Variants in FAM228B observed in about 807,000 individuals in gnomAD.
The protein encoded by FAM228B is protein FAM228B.
FAM228B carries 38 observed loss-of-function variants against 42.6 expected under a neutral mutation model. The observed-to-expected ratio is 0.89, with a 90% CI of 0.69 to 1.17. The LOEUF (loss-of-function observed/expected upper bound fraction) is 1.17, where lower values mean the gene tolerates loss of function less well. Ranked by LOEUF, FAM228B falls within the 50% of genes most tolerant of loss-of-function variation. The pLI, the probability that FAM228B is intolerant of heterozygous loss-of-function variation, is 0.00. For synonymous variants in FAM228B, 109 were observed against 122.3 expected (o/e 0.89, Z 0.72); for missense variants, 344 against 367.3 (o/e 0.94, Z 0.52).
intron 2 of FAM228B, among the ~76,000 whole-genome samples, chr2:24,089,677 G>T (rs1665342741): frequency 6.6e-6 from 1 of 152,154 alleles, no homozygotes; most frequent in Non-Finnish European, 1.5e-5. Flanking sequence ...GACCAGCCTA[G>T]CAGAGTCACA....
Position 24,084,105 on chromosome 2 carries a change from C to T in FAM228B, c.-210+3150C>T. 1.3e-6 allele frequency: 2 copies of T among 1,507,122 alleles called. No homozygotes were observed. Among genetic ancestry groups the T allele is most frequent in the Non-Finnish European group, 1.8e-6 (2 of 1,131,276 alleles). The allele number at this position is 1,507,122 out of a possible 1,614,324, so 93.4% of individuals were successfully genotyped here. On this transcript the variant is annotated intron_variant, in intron 2 of 10. Transcript: ENST00000613899. The surrounding 1 kb of genome is among the most constrained non-coding windows in gnomAD (Gnocchi z 8.4). Reference sequence around the variant, plus strand: ...CTGGGTGTGGAGCGGTGCACGCCTTCACGTCTGGTCAATGTCCACTGAGTG... The same window carrying T: ...CTGGGTGTGGAGCGGTGCACGCCTTTACGTCTGGTCAATGTCCACTGAGTG...
Position 24,143,841 on chromosome 2 carries a change from CAAT to C in FAM228B, c.442-2906_442-2904del, listed in dbSNP as rs772888258. On this transcript the variant is annotated intron_variant, in intron 5 of 10. Transcript: ENST00000615575. Reference sequence around the variant, plus strand: ...CACAAAAGTTATTTGGATATAACAACAATGTTTTGAAATAAAATAGTTTCAGCT... The same window carrying C: ...CACAAAAGTTATTTGGATATAACAACGTTTTGAAATAAAATAGTTTCAGCT... 2.5e-3 allele frequency among the ~76,000 whole-genome samples: 387 copies of C among 151,970 alleles called. 1 individual carries two copies. The highest frequency in any genetic ancestry group is 2.2e-3 in the Admixed American group (34 of 15,272).
intron 3 of FAM228B, among the ~76,000 whole-genome samples, chr2:24,098,871 C>T (rs1440531311): frequency 5.9e-5 from 9 of 152,150 alleles, no homozygotes; most frequent in African/African-American, 1.9e-4. Context: ...AACATCAATG[C>T]GAAAATCCTC....
At chr2:24,161,739 G>A in intron 8 of FAM228B, 126 bp downstream of exon 8, 1 of 654,384 alleles carries the variant, frequency 1.5e-6, no homozygotes, top group South Asian at 1.8e-5. Context: ...ATTGTGGCAG[G>A]ACACCGGGCA....
chr2:24,166,484 G>A (rs1470257666), intron 9 of FAM228B: 1 of 148,672 alleles, frequency 6.7e-6, no homozygotes, highest in Non-Finnish European at 1.5e-5. Flanking sequence ...CCATGTTTTG[G>A]TATCCTCCCA....
At chr2:24,152,779 G>A (rs1173243092) in intron 7 of FAM228B, among the ~76,000 whole-genome samples, 3 of 152,198 alleles carry the variant, frequency 2.0e-5, no homozygotes, top group Non-Finnish European at 4.4e-5. Flanking sequence ...CCTTCAGGGT[G>A]TGAGTTCCCC....
At chr2:24,112,323 GGA>G (rs1249298432) in intron 3 of FAM228B, among the ~76,000 whole-genome samples, 26 of 142,022 alleles carry the variant, frequency 1.8e-4, no homozygotes, top group African/African-American at 6.5e-4. Context: ...TTTTTGAGGT[GGA>G]GTTTCGCTCT....
chr2:24,079,405 T>A (rs374866378), intron 1 of FAM228B: 3 of 1,602,862 alleles, frequency 1.9e-6, no homozygotes, highest in Non-Finnish European at 2.6e-6. Flanking sequence ...CACACTTTTC[T>A]GGGTTAAATC....
intron 9 of FAM228B, among the ~76,000 whole-genome samples, chr2:24,165,040 A>G (rs1271141417): frequency 6.6e-6 from 1 of 152,176 alleles, no homozygotes; most frequent in African/African-American, 2.4e-5. Flanking sequence ...TAAAGGAGGA[A>G]AATGAAACTG....
chr2:24,159,451 G>T (rs923860261), intron 7 of FAM228B, among the ~76,000 whole-genome samples: 1 of 152,174 alleles, frequency 6.6e-6, no homozygotes, highest in African/African-American at 2.4e-5. Flanking sequence ...GCAGACAAAG[G>T]TAGAACTTGG....
intron 7 of FAM228B, among the ~76,000 whole-genome samples, chr2:24,156,774 G>C (rs74806580): frequency 0.016 from 185 of 11,316 alleles, 2 homozygotes; most frequent in South Asian, 0.043. Flanking sequence ...ATTTCTTTCC[G>C]CCCCCCCCCC....
intron 2 of FAM228B, among the ~76,000 whole-genome samples, chr2:24,126,578 T>C (rs1267242988): frequency 6.6e-6 from 1 of 152,122 alleles, no homozygotes; most frequent in Non-Finnish European, 1.5e-5. Flanking sequence ...ACTCTTCCTA[T>C]TGAGATATAA....
chr2:24,079,383 A>C, intron 1 of FAM228B: 1 of 1,558,326 alleles, frequency 6.4e-7, no homozygotes, highest in African/African-American at 1.4e-5. Context: ...TCTCGGGGTA[A>C]TGTAAATGAA....
intron 1 of FAM228B, among the ~76,000 whole-genome samples, chr2:24,078,677 A>G (rs1038608445): frequency 6.6e-6 from 1 of 152,116 alleles, no homozygotes; most frequent in African/African-American, 2.4e-5. Flanking sequence ...GTAAAATGTT[A>G]GTGTCACTGA....
At chr2:24,136,572 A>G (rs76833272) in intron 3 of FAM228B, among the ~76,000 whole-genome samples, 357 of 151,948 alleles carry the variant, frequency 2.3e-3, no homozygotes, top group African/African-American at 8.4e-3. Context: ...TATTTTCCCC[A>G]GGCTAGACTT....
intron 3 of FAM228B, among the ~76,000 whole-genome samples, chr2:24,118,141 C>T (rs775916393): frequency 3.3e-5 from 5 of 152,204 alleles, no homozygotes; most frequent in Non-Finnish European, 5.9e-5. Flanking sequence ...AGCCTGGCTT[C>T]CTGACAGCCA....
intron 5 of FAM228B, among the ~76,000 whole-genome samples, chr2:24,146,334 A>G (rs1477313475): frequency 6.6e-6 from 1 of 152,190 alleles, no homozygotes; most frequent in African/African-American, 2.4e-5. Context: ...CAAATGATCT[A>G]TATTTTGAAT....
intron 5 of FAM228B, 27 bp from the exon 6 acceptor site, chr2:24,146,721 G>T: frequency 6.7e-7 from 1 of 1,493,206 alleles, no homozygotes; most frequent in Non-Finnish European, 9.1e-7. Context: ...TTGCAACTCA[G>T]TGCTTAAACA....
chr2:24,110,736 T>TAATTTGTAG (rs1665776958), intron 3 of FAM228B, among the ~76,000 whole-genome samples: 1 of 152,130 alleles, frequency 6.6e-6, no homozygotes, highest in African/African-American at 2.4e-5. Context: ...TCTGTAGTCA[T>TAATTTGTAG]TCCAGCAAAT....
Sources: gnomAD v4.1 joint callset for allele counts (sites outside exome capture counted in the v4.1 genomes callset) on GRCh38, gnomAD v4.1.1 for gene constraint, Gnocchi (gnomAD v3.1) non-coding constraint, MANE v1.5 for transcripts, NCBI Gene and HGNC (gene_info 2026-07-23, HGNC 2026-07-21) for gene names.